The following WDR49 variants were observed in gnomAD, a reference collection of about 807,000 sequenced individuals.
The protein encoded by WDR49 is WD repeat domain 49.
A neutral mutation model predicts 119.5 loss-of-function variants in WDR49; 107 were observed. The observed-to-expected ratio is 0.90, with a 90% CI of 0.77 to 1.05. The LOEUF (loss-of-function observed/expected upper bound fraction) is 1.05. Ranked by LOEUF, WDR49 falls within the 50% of genes least tolerant of loss-of-function variation. The pLI, the probability that WDR49 is intolerant of heterozygous loss-of-function variation, is 0.00. For synonymous variants in WDR49, 425 were observed against 418.8 expected (o/e 1.01, Z -0.18); for missense variants, 1,240 against 1,220.5 (o/e 1.02, Z -0.24).
At chr3:167,610,097 C>G (rs1194169735) in intron 5 of WDR49, among the ~76,000 whole-genome samples, 3 of 152,148 alleles carry the variant, frequency 2.0e-5, no homozygotes, top group African/African-American at 7.2e-5. Context: ...AGGTGAGACT[C>G]GGCACATTAC....
At position 167,569,477 on chromosome 3, in the gene WDR49, T is replaced by C. The variant is rs1190174625; in HGVS notation, c.1509+6441A>G. Reference sequence around the variant, plus strand: ...GATTTTTTTATATTTCTGGGCAATGTATCTGTATTTTTTTAAATTGTTGCA... The same window carrying C: ...GATTTTTTTATATTTCTGGGCAATGCATCTGTATTTTTTTAAATTGTTGCA... On this transcript the variant is annotated intron_variant, in intron 8 of 18. Coordinates refer to ENST00000682715, the MANE Select transcript of WDR49 (RefSeq NM_001366157.1). 2.6e-5 allele frequency among the ~76,000 whole-genome samples: 4 copies of C among 152,156 alleles called. No individual in the cohort carries two copies. In the East Asian group the frequency reaches 7.7e-4, roughly 29 times the overall value.
rs560149753 is a variant in WDR49 at position 167,581,568 on chromosome 3, A to C, written c.1276-5417T>G. Among the ~76,000 whole-genome samples, 3 of 152,330 alleles carry C rather than the reference A, an allele frequency of 2.0e-5. No individual in the cohort carries two copies. In the East Asian group the frequency reaches 5.8e-4, roughly 29 times the overall value. The stretch of plus-strand genomic sequence containing the variant: ...TAGGACATCACCATGTTTTCAGCCT[A>C]GCTTTGCTGAAGAATCCCCTACTCC... On this transcript the variant is annotated intron_variant, in intron 7 of 18. Coordinates refer to ENST00000682715, the MANE Select transcript of WDR49 (RefSeq NM_001366157.1).
chr3:167,569,797 C>G (rs578231143), intron 8 of WDR49, among the ~76,000 whole-genome samples: 1 of 151,990 alleles, frequency 6.6e-6, no homozygotes, highest in African/African-American at 2.4e-5. Context: ...AGTAGAATAG[C>G]CCTTAAACAT....
intron 2 of WDR49, among the ~76,000 whole-genome samples, chr3:167,645,383 G>T (rs1260646441): frequency 1.3e-5 from 2 of 151,670 alleles, no homozygotes; most frequent in Non-Finnish European, 2.9e-5. Context: ...GCTAGTTTTC[G>T]TATTTTTGTA....
At chr3:167,583,518 G>A (rs533136880) in intron 7 of WDR49, among the ~76,000 whole-genome samples, 1 of 152,086 alleles carries the variant, frequency 6.6e-6, no homozygotes, top group East Asian at 1.9e-4. Flanking sequence ...AACATACAAA[G>A]ACCCTGTCTC....
intron 18 of WDR49, among the ~76,000 whole-genome samples, chr3:167,494,337 G>A (rs1751263757): frequency 5.9e-5 from 9 of 152,036 alleles, no homozygotes; most frequent in Admixed American, 5.2e-4. Flanking sequence ...GGCATCTACC[G>A]CAGTTTTCAG....
intron 9 of WDR49, among the ~76,000 whole-genome samples, chr3:167,558,211 T>TA (rs1713060671): frequency 6.6e-6 from 1 of 152,202 alleles, no homozygotes; most frequent in South Asian, 2.1e-4. Context: ...ACAGGGATGA[T>TA]ATATTTTCAC....
At chr3:167,612,724 A>G (rs1289360268) in intron 5 of WDR49, among the ~76,000 whole-genome samples, 1 of 152,190 alleles carries the variant, frequency 6.6e-6, no homozygotes, top group East Asian at 1.9e-4. Flanking sequence ...AAGAAATGAA[A>G]AAATTCCTAG....
rs1474922866 is a variant in WDR49 at position 167,527,844 on chromosome 3, A to G, written c.2580T>C (p.Asn860=). 1.2e-6 allele frequency: 2 copies of G among 1,612,836 alleles called. No individual in the cohort carries two copies. Among genetic ancestry groups the G allele is most frequent in the East Asian group, 2.2e-5 (1 of 44,816 alleles). ...DCSICVTGVC[N]APVWIFGQAK... is the part of the protein sequence containing the mutation. ...CCTGACCAAAGATCCAAACAGGAGC[A>G]TTGCAGACACCAGTCACACAAATAC... is the stretch of plus-strand genomic sequence containing the variant. Residue 860 remains asparagine (N), a synonymous_variant, in exon 15 of 19, where the codon AAT becomes AAC. Transcript: ENST00000682715.
intron 11 of WDR49, among the ~76,000 whole-genome samples, chr3:167,533,985 C>T (rs761661543): frequency 2.6e-5 from 4 of 151,600 alleles, no homozygotes; most frequent in Non-Finnish European, 5.9e-5. Flanking sequence ...GTCAGGAGTT[C>T]GAGACCAGCC....
chr3:167,489,179 A>C (rs1405220379), intron 18 of WDR49, among the ~76,000 whole-genome samples: 1 of 152,090 alleles, frequency 6.6e-6, no homozygotes. Flanking sequence ...GCCTTTGTAT[A>C]CCATATATCC....
At position 167,604,313 on chromosome 3, in the gene WDR49, G is replaced by A. The variant is rs773101128; in HGVS notation, c.1114C>T (p.Leu372Phe). ...GIHAFDYHSR[L>F]NLIATAGINN... The stretch of plus-strand genomic sequence containing the variant: ...TTATTTTACCTACCAATTAAATTGA[G>A]CCGAGAGTGATAATCAAAAGCATGA... The change falls in exon 6 of 19, where the codon CTC becomes TTC. Residue 372 changes from leucine to phenylalanine, a missense_variant. Coordinates refer to ENST00000682715, the MANE Select transcript of WDR49 (RefSeq NM_001366157.1). The A allele has an allele frequency of 1.2e-5, 20 of 1,613,406 alleles. No homozygotes were observed. The East Asian group carries it at 4.0e-4, about 32-fold the overall frequency.
chr3:167,597,853 A>G (rs773855157), intron 7 of WDR49, among the ~76,000 whole-genome samples: 4 of 152,150 alleles, frequency 2.6e-5, no homozygotes, highest in African/African-American at 4.8e-5. Context: ...TCCCCACTGT[A>G]TCTTGGAAAT....
rs563046031 is a variant in WDR49, at chr3:167,588,876, G to A, written c.1276-12725C>T. On this transcript the variant is annotated intron_variant, in intron 7 of 18. Transcript: ENST00000682715. ...GGATAGTTTGTAAATATTTTCTCCC[G>A]TTCTGTGGGTTGTTTCTTCACTTTA... Among the ~76,000 whole-genome samples, 119 of 151,570 alleles carry A rather than the reference G, an allele frequency of 7.9e-4. 1 individual carries two copies. Among genetic ancestry groups the A allele is most frequent in the African/African-American group, 1.8e-3 (75 of 41,124 alleles).
At chr3:167,479,056 G>A in intron 18 of WDR49, 60 bp from the exon 19 acceptor site, 1 of 1,215,768 alleles carries the variant, frequency 8.2e-7, no homozygotes, top group Non-Finnish European at 1.1e-6. Context: ...CTATTTAAAT[G>A]AAATAGTGGG....
intron 18 of WDR49, among the ~76,000 whole-genome samples, chr3:167,498,249 C>A (rs1043210798): frequency 1.3e-5 from 2 of 152,160 alleles, no homozygotes; most frequent in Non-Finnish European, 2.9e-5. Flanking sequence ...GAAGTTTAAA[C>A]CTTCCCTCTG....
intron 17 of WDR49, 72 bp from the exon 18 acceptor site, chr3:167,500,371 C>A: frequency 1.3e-6 from 2 of 1,529,624 alleles, no homozygotes; most frequent in South Asian, 2.5e-5. Flanking sequence ...TTGGAAAGAG[C>A]CAGCACATTT....
rs373964828 is a variant in WDR49, at chr3:167,505,358, T to C, written c.2833A>G (p.Met945Val). The C allele has an allele frequency of 6.5e-7, 1 of 1,537,222 alleles. No individual in the cohort carries two copies. The highest frequency in any genetic ancestry group is 1.4e-5 in the African/African-American group (1 of 71,010). ...DIKYKERSTC[M>V]KETQKPYYGE... ...TAATAAGGTTTTTGTGTTTCTTTCATGCAGGTACTTCTTTCCTTATATTTT... is the reference window on the plus strand; with the variant it reads ...TAATAAGGTTTTTGTGTTTCTTTCACGCAGGTACTTCTTTCCTTATATTTT... Residue 945 changes from methionine (M) to valine (V), a missense_variant, in exon 17 of 19, where the codon ATG becomes GTG. Coordinates refer to ENST00000682715, the MANE Select transcript of WDR49 (RefSeq NM_001366157.1).
chr3:167,526,415 C>T (rs965054501), intron 15 of WDR49, among the ~76,000 whole-genome samples: 1 of 152,068 alleles, frequency 6.6e-6, no homozygotes. Flanking sequence ...GTTTCTTTAC[C>T]TGTTGTTCAA....
Sources: allele counts gnomAD v4.1 joint callset (sites outside exome capture counted in the v4.1 genomes callset), GRCh38; gene constraint gnomAD v4.1.1; transcripts MANE v1.5; gene names NCBI Gene and HGNC (gene_info 2026-07-23, HGNC 2026-07-21).